DLX2: variants seen among roughly 807,000 people sequenced by gnomAD.
DLX2 encodes distal-less homeobox 2, also known as homeobox protein DLX-2.
In DLX2, 8 loss-of-function variants were observed where a neutral mutation model predicts 27.4. The observed-to-expected ratio is 0.29, with a 90% CI of 0.17 to 0.53. DLX2 has a LOEUF of 0.53. Ranked by LOEUF, DLX2 falls within the 20% of genes least tolerant of loss-of-function variation. The probability of loss-of-function intolerance (pLI) is 0.96; values close to 1 mark genes in which losing one functional copy is unlikely to be tolerated. For missense variants in DLX2, 421 were observed against 450.9 expected (o/e 0.93, Z 0.60); for synonymous variants, 210 against 200.8 (o/e 1.05, Z -0.39).
intron 1 of DLX2, among the ~76,000 whole-genome samples, chr2:172,101,864 A>G (rs1248158904): frequency 6.6e-6 from 1 of 152,258 alleles, no homozygotes; most frequent in Non-Finnish European, 1.5e-5. Flanking sequence ...TGCACACCCA[A>G]GAGAAAGAAG....
rs929095556 is a variant in DLX2, at chr2:172,100,478, G to A, written c.*65C>T. 16 of 1,467,088 alleles carry A rather than the reference G, an allele frequency of 1.1e-5. No homozygotes were observed. The highest frequency in any genetic ancestry group is 7.0e-5 in the South Asian group (5 of 71,026). The allele number at this position is 1,467,088 out of a possible 1,614,324, so 90.9% of individuals were successfully genotyped here. ...CAGCGGGCCGGGAGGAGGGAACCCCGGCTCGGGGTAAGCAATGAGGATAAG... is the reference window on the plus strand; with the variant it reads ...CAGCGGGCCGGGAGGAGGGAACCCCAGCTCGGGGTAAGCAATGAGGATAAG... On this transcript the variant is annotated 3_prime_UTR_variant, in exon 3 of 3. Transcript: ENST00000234198. This position sits in a 1 kb window ranked among gnomAD's most constrained non-coding sequence, Gnocchi z 4.5.
chr2:172,100,281 T>C lies in DLX2; in HGVS notation c.*262A>G. 1 of 387,350 alleles carries C rather than the reference T, an allele frequency of 2.6e-6. No homozygotes were observed. The highest frequency in any genetic ancestry group is 4.6e-6 in the Non-Finnish European group (1 of 219,618). The allele number at this position is 387,350 out of a possible 1,614,324, so 24.0% of individuals were successfully genotyped here. A position where few individuals can be genotyped will look rare whatever the true frequency, so the allele number is the denominator to read the frequency against. On this transcript the variant is annotated 3_prime_UTR_variant, in exon 3 of 3. Coordinates refer to ENST00000234198, the MANE Select transcript of DLX2 (RefSeq NM_004405.4). The surrounding 1 kb of genome is among the most constrained non-coding windows in gnomAD (Gnocchi z 4.5). ...AGGGAAGGCAAGTCCGAGGCGGGGC[T>C]CGAAACAGCCGAGACCCGGGGCTCA...
intron 1 of DLX2, among the ~76,000 whole-genome samples, 153 bp downstream of exon 1, chr2:172,101,986 T>C (rs1018084832): frequency 6.6e-6 from 1 of 152,168 alleles, no homozygotes; most frequent in Non-Finnish European, 1.5e-5. Context: ...CTGCGGCAGA[T>C]TGGAGGCTGG....
At chr2:172,101,775 G>C in intron 1 of DLX2, 129 bp from the exon 2 acceptor site, 5 of 1,077,190 alleles carry the variant, frequency 4.6e-6, no homozygotes, top group Non-Finnish European at 6.7e-6. Context: ...GGCGCCACGG[G>C]CAGGCGCAAC....
Position 172,100,954 on chromosome 2 carries a change from A to C in DLX2, c.586-10T>G. 1 of 1,610,362 alleles carries C rather than the reference A, an allele frequency of 6.2e-7. No individual in the cohort carries two copies. The highest frequency in any genetic ancestry group is 8.5e-7 in the Non-Finnish European group (1 of 1,179,082). On this transcript the variant is annotated splice_polypyrimidine_tract_variant and intron_variant, in intron 2 of 2. Transcript: ENST00000234198. This position sits in a 1 kb window ranked among gnomAD's most constrained non-coding sequence, Gnocchi z 4.5. Reference sequence around the variant, plus strand: ...GGAACCAGATTTTGACCTTTGAGGAAAAAGACCTGAGCATTAGTGGAGGAA... The same window carrying C: ...GGAACCAGATTTTGACCTTTGAGGACAAAGACCTGAGCATTAGTGGAGGAA...
In DLX2 at chr2:172,100,867, G is replaced by A; in HGVS notation, c.663C>T (p.His221=). The A allele has an allele frequency of 1.9e-6, 3 of 1,613,040 alleles. No homozygotes were observed. The highest frequency in any genetic ancestry group is 2.5e-6 in the Non-Finnish European group (3 of 1,179,916). Residue 221 remains histidine (H), a synonymous_variant, in exon 3 of 3, where the codon CAC becomes CAT. Coordinates refer to ENST00000234198, the MANE Select transcript of DLX2 (RefSeq NM_004405.4). The surrounding 1 kb of genome is among the most constrained non-coding windows in gnomAD (Gnocchi z 4.5). The stretch of plus-strand genomic sequence containing the variant: ...AAGGTGGAGAAGCGCTGGCCCCAGG[G>A]TGCTGCTCCGAGGGGATCTCACCAC... The part of the protein sequence containing the change: ...WKSGEIPSEQ[H]PGASASPPCA...
chr2:172,102,246 T>A lies in DLX2; in HGVS notation c.293A>T (p.Asn98Ile), dbSNP rs1259428215. The A allele has an allele frequency of 1.2e-6, 2 of 1,614,026 alleles. No homozygotes were observed. Among genetic ancestry groups the A allele is most frequent in the Non-Finnish European group, 1.7e-6 (2 of 1,180,016 alleles). Residue 98 changes from asparagine to isoleucine, a missense_variant, in exon 1 of 3, where the codon AAC (asparagine) becomes ATC (isoleucine). Around this residue, in one of 5 missense-constraint regions of DLX2, gnomAD observed 141 missense variants for 123.5 expected, o/e 1.14. Coordinates refer to ENST00000234198, the MANE Select transcript of DLX2 (RefSeq NM_004405.4). ...GSYQYQASGL[N>I]NVPYSAKSSY... ...GCTCTTGGCGGAGTAAGGGACGTTG[T>A]TGAGGCCGCTGGCTTGGTACTGGTA...
rs1334992663 is a variant in DLX2, at chr2:172,102,566, G to A, written c.-28C>T. On this transcript the variant is annotated 5_prime_UTR_variant, in exon 1 of 3. Transcript: ENST00000234198. ...TGGCCCGAGACGGGAAAGAGCAGAG[G>A]TGGCGGGCGTGCGGGGGAAGCCAGG... 1 of 1,489,876 alleles carries A rather than the reference G, an allele frequency of 6.7e-7. No individual in the cohort carries two copies. The highest frequency in any genetic ancestry group is 2.5e-5 in the East Asian group (1 of 40,230). 92.3% of individuals were successfully genotyped at this position (1,489,876 alleles called of 1,614,324 possible). A position where few individuals can be genotyped will look rare whatever the true frequency, so the allele number is the denominator to read the frequency against.
intron 2 of DLX2, 79 bp downstream of exon 2, chr2:172,101,383 A>C: frequency 7.2e-7 from 1 of 1,392,668 alleles, no homozygotes; most frequent in Non-Finnish European, 9.7e-7. Flanking sequence ...GAACTTTAAA[A>C]AGCATTGTCC....
Position 172,100,776 on chromosome 2 carries a change from C to A in DLX2, c.754G>T (p.Gly252Cys). The A allele has an allele frequency of 6.3e-7, 1 of 1,582,556 alleles. No homozygotes were observed. The highest frequency in any genetic ancestry group is 8.6e-7 in the Non-Finnish European group (1 of 1,164,266). Residue 252 changes from glycine to cysteine, a missense_variant, in exon 3 of 3, where the codon GGC becomes TGC. This residue lies in a region of DLX2 where 185 missense variants were observed against 171.1 expected (regional missense o/e 1.08). Coordinates refer to ENST00000234198, the MANE Select transcript of DLX2 (RefSeq NM_004405.4). The surrounding 1 kb of genome is among the most constrained non-coding windows in gnomAD (Gnocchi z 4.5). ...CTGCCGCCACTGCCCGGACCACCGC[C>A]GCCCGCCATCCGCTGCGGCACACCA... ...DFGVPQRMAG[G>C]GGPGSGGSGA... is the part of the protein sequence containing the mutation.
In DLX2 at chr2:172,100,449, G is replaced by C; in HGVS notation, c.*94C>G. The C allele has an allele frequency of 7.3e-7, 1 of 1,363,876 alleles. No homozygotes were observed. The highest frequency in any genetic ancestry group is 9.8e-7 in the Non-Finnish European group (1 of 1,023,850). 84.5% of individuals were successfully genotyped at this position (1,363,876 alleles called of 1,614,324 possible). ...TCGCAGCCTGCAGGAGAGGTGGGTG[G>C]CGGCAGCGGGCCGGGAGGAGGGAAC... On this transcript the variant is annotated 3_prime_UTR_variant, in exon 3 of 3. Coordinates refer to ENST00000234198, the MANE Select transcript of DLX2 (RefSeq NM_004405.4). The surrounding 1 kb of genome is among the most constrained non-coding windows in gnomAD (Gnocchi z 4.5).
Position 172,102,730 on chromosome 2 carries a change from T to C in DLX2, c.-192A>G. ...ATCACCGTGCGCTGCTCGGGACAGCTGCCTCTGGTCGCATCCTCTTTCGGC... is the reference window on the plus strand; with the variant it reads ...ATCACCGTGCGCTGCTCGGGACAGCCGCCTCTGGTCGCATCCTCTTTCGGC... On this transcript the variant is annotated 5_prime_UTR_variant, in exon 1 of 3. Transcript: ENST00000234198. 2 of 516,400 alleles carry C rather than the reference T, an allele frequency of 3.9e-6. No individual in the cohort carries two copies. The highest frequency in any genetic ancestry group is 5.2e-5 in the South Asian group (2 of 38,228). The allele number at this position is 516,400 out of a possible 1,614,324, so 32.0% of individuals were successfully genotyped here. A position where few individuals can be genotyped will look rare whatever the true frequency, so the allele number is the denominator to read the frequency against.
In DLX2 at chr2:172,102,579, G is replaced by C. The variant is rs899725339; in HGVS notation, c.-41C>G. 3 of 1,468,286 alleles carry C rather than the reference G, an allele frequency of 2.0e-6. No individual in the cohort carries two copies. The African/African-American group carries it at 4.3e-5, about 21-fold the overall frequency. 91.0% of individuals were successfully genotyped at this position (1,468,286 alleles called of 1,614,324 possible). A position where few individuals can be genotyped will look rare whatever the true frequency, so the allele number is the denominator to read the frequency against. On this transcript the variant is annotated 5_prime_UTR_variant, in exon 1 of 3. Coordinates refer to ENST00000234198, the MANE Select transcript of DLX2 (RefSeq NM_004405.4). ...GAAAGAGCAGAGGTGGCGGGCGTGC[G>C]GGGGAAGCCAGGCGCCTCCTCTGTC...
rs757350098 is a variant in DLX2 at position 172,102,176 on chromosome 2, G to A, written c.363C>T (p.Pro121=). The change falls in exon 1 of 3, where the codon CCC becomes CCT. Residue 121 remains proline, a synonymous_variant. Coordinates refer to ENST00000234198, the MANE Select transcript of DLX2 (RefSeq NM_004405.4). ...GYTAAYTSYA[P]YGTSSSPANN... ...TGGCTGGGGACGAACTGGTTCCATA[G>A]GGAGCGTAGGAGGTGTAGGCGGCGG... The A allele has an allele frequency of 4.3e-6, 7 of 1,614,046 alleles. No individual in the cohort carries two copies. Among genetic ancestry groups the A allele is most frequent in the South Asian group, 1.1e-5 (1 of 91,080 alleles).
Position 172,102,219 on chromosome 2 carries a change from C to T in DLX2, c.320G>A (p.Ser107Asn), listed in dbSNP as rs1437996447. Residue 107 changes from serine (S) to asparagine (N), a missense_variant, in exon 1 of 3, where the codon AGC (serine) becomes AAC (asparagine). Physicochemically the swap from Ser to Asn is conservative, Grantham distance 46. Around this residue, in one of 5 missense-constraint regions of DLX2, gnomAD observed 141 missense variants for 123.5 expected, o/e 1.14. Coordinates refer to ENST00000234198, the MANE Select transcript of DLX2 (RefSeq NM_004405.4). ...GGCGGCGGTGTAGCCCAGGTCATAG[C>T]TGCTCTTGGCGGAGTAAGGGACGTT... ...LNNVPYSAKS[S>N]YDLGYTAAYT... 1.2e-6 allele frequency: 2 copies of T among 1,613,200 alleles called. No homozygotes were observed. Among genetic ancestry groups the T allele is most frequent in the East Asian group, 2.2e-5 (1 of 44,796 alleles).
intron 1 of DLX2, 53 bp from the exon 2 acceptor site, chr2:172,101,699 C>T (rs113845433): frequency 7.0e-6 from 11 of 1,576,622 alleles, no homozygotes; most frequent in African/African-American, 5.4e-5. Context: ...CCTGGAGTTC[C>T]CGCCCTCCTA....
At chr2:172,102,084 A>G in intron 1 of DLX2, 55 bp downstream of exon 1, 4 of 1,566,508 alleles carry the variant, frequency 2.6e-6, no homozygotes, top group Non-Finnish European at 1.7e-6. Flanking sequence ...ACGTTTACCC[A>G]TCCATCCCAT....
In DLX2 at chr2:172,102,883, G is replaced by A. The variant is rs1035264107; in HGVS notation, c.-345C>T. ...GGCGGGAGCAGGTGAGCGGCCCCGA[G>A]CGGCTTTACGATTGTCTGCCAGGCG... On this transcript the variant is annotated 5_prime_UTR_variant, in exon 1 of 3. Coordinates refer to ENST00000234198, the MANE Select transcript of DLX2 (RefSeq NM_004405.4). The A allele has an allele frequency of 1.0e-5, 3 of 289,372 alleles. No individual in the cohort carries two copies. Among genetic ancestry groups the A allele is most frequent in the South Asian group, 1.9e-4 (2 of 10,332 alleles). The allele number at this position is 289,372 out of a possible 1,614,324, so 17.9% of individuals were successfully genotyped here.
Position 172,101,529 on chromosome 2 carries a change from T to C in DLX2, c.518A>G (p.Lys173Arg). The C allele has an allele frequency of 6.2e-7, 1 of 1,613,680 alleles. No individual in the cohort carries two copies. The highest frequency in any genetic ancestry group is 8.5e-7 in the Non-Finnish European group (1 of 1,179,606). Residue 173 changes from lysine to arginine, a missense_variant, in exon 2 of 3, where the codon AAG becomes AGG. This residue lies in a region of DLX2 where 36 missense variants were observed against 73.6 expected (regional missense o/e 0.49). Transcript: ENST00000234198. The stretch of plus-strand genomic sequence containing the variant: ...CTCCGGCAAGGCCAAGTATTGAGTC[T>C]TTTGGAAACGCCGCTGAAGAGCCGC... ...QLAALQRRFQKTQYLALPERA... is the reference protein window; with the variant it reads ...QLAALQRRFQRTQYLALPERA...
Sources: gnomAD v4.1 joint callset for allele counts (sites outside exome capture counted in the v4.1 genomes callset) on GRCh38, gnomAD v4.1.1 for gene constraint, gnomAD v4.1.1 regional missense constraint, Gnocchi (gnomAD v3.1) non-coding constraint, MANE v1.5 for transcripts, NCBI Gene and HGNC (gene_info 2026-07-23, HGNC 2026-07-21) for gene names.